The following CFAP65 variants were observed in gnomAD, a reference collection of about 807,000 sequenced individuals.
The protein encoded by CFAP65 is cilia- and flagella-associated protein 65.
CFAP65 carries 155 observed loss-of-function variants against 208.0 expected under a neutral mutation model. The observed-to-expected ratio is 0.75, with a 90% confidence interval of 0.65 to 0.85. The LOEUF (loss-of-function observed/expected upper bound fraction) is 0.85, where lower values mean the gene tolerates loss of function less well. CFAP65 is among the 40% of genes least tolerant of loss of function. The probability of loss-of-function intolerance (pLI) is 0.00; values close to 1 mark genes in which losing one functional copy is unlikely to be tolerated. For synonymous variants in CFAP65, 970 were observed against 986.3 expected (o/e 0.98, Z 0.31); for missense variants, 2,294 against 2,451.3 (o/e 0.94, Z 1.36).
At position 219,006,483 on chromosome 2, in the gene CFAP65, T is replaced by C. The variant is rs1265821021; in HGVS notation, c.4701A>G (p.Glu1567=). 5.6e-6 allele frequency: 9 copies of C among 1,613,632 alleles called. No homozygotes were observed. The highest frequency in any genetic ancestry group is 7.6e-6 in the Non-Finnish European group (9 of 1,179,986). The part of the protein sequence containing the change: ...VKKRTCCTAC[E]PARKYKTLPP... Reference sequence around the variant, plus strand: ...GCCTCACCTTGTACTTCCTCGCAGGTTCACAGGCTGTGCAGCATGTTCTCT... The same window carrying C: ...GCCTCACCTTGTACTTCCTCGCAGGCTCACAGGCTGTGCAGCATGTTCTCT... The change falls in exon 30 of 35, where the codon GAA becomes GAG. Residue 1567 remains glutamate (E), a synonymous_variant. Transcript: ENST00000341552.
At position 219,035,526 on chromosome 2, in the gene CFAP65, G is replaced by C; in HGVS notation, c.496C>G (p.Leu166Val). ...TTCAAGGATCGATTTTTCAGAACCA[G>C]ATTCCTTGTGGTCTCCTTTCCTAGC... is the stretch of plus-strand genomic sequence containing the variant. ...WELGKETTRN[L>V]VLKNRSLKLQ... The change falls in exon 5 of 35, where the codon CTG (leucine) becomes GTG (valine). Residue 166 changes from leucine to valine, a missense_variant. This residue lies in a region of CFAP65 where 867 missense variants were observed against 1,012.6 expected (regional missense o/e 0.86). Transcript: ENST00000341552. 1 of 1,614,078 alleles carries C rather than the reference G, an allele frequency of 6.2e-7. No homozygotes were observed. The highest frequency in any genetic ancestry group is 1.3e-5 in the African/African-American group (1 of 75,000).
At position 219,021,867 on chromosome 2, in the gene CFAP65, C is replaced by T. The variant is rs1368699266; in HGVS notation, c.3043G>A (p.Val1015Ile). Residue 1015 changes from valine to isoleucine, a missense_variant, in exon 18 of 35, where the codon GTC (valine) becomes ATC (isoleucine). This residue lies in a region of CFAP65 where 1,427 missense variants were observed against 1,438.7 expected (regional missense o/e 0.99). Coordinates refer to ENST00000341552, the MANE Select transcript of CFAP65 (RefSeq NM_194302.4). ...LVNSKQSRFLVLLNDGNCTLY... is the reference protein window; with the variant it reads ...LVNSKQSRFLILLNDGNCTLY... ...GTGCAGTTGCCGTCATTCAGGAGGA[C>T]AAGGAACCTGGACTGCTTGCTGTTC... The T allele has an allele frequency of 6.2e-7, 1 of 1,613,850 alleles. No individual in the cohort carries two copies. The highest frequency in any genetic ancestry group is 1.1e-5 in the South Asian group (1 of 91,082).
At chr2:219,040,433 T>C in intron 2 of CFAP65, 86 bp downstream of exon 2, 1 of 784,052 alleles carries the variant, frequency 1.3e-6, no homozygotes, top group Non-Finnish European at 2.2e-6. Context: ...ACTATCTAGA[T>C]TCAGTCGTTC....
At chr2:219,036,251 G>A (rs868706424) in intron 4 of CFAP65, among the ~76,000 whole-genome samples, 6 of 152,148 alleles carry the variant, frequency 3.9e-5, no homozygotes, top group African/African-American at 1.4e-4. Context: ...GGTGATTGAT[G>A]CTAGTGCTGC....
In CFAP65 at chr2:219,003,703, A is replaced by G. The variant is rs1434931477; in HGVS notation, c.5555+249T>C. 1.3e-5 allele frequency among the ~76,000 whole-genome samples: 2 copies of G among 152,204 alleles called. No individual in the cohort carries two copies. Among genetic ancestry groups the G allele is most frequent in the Non-Finnish European group, 2.9e-5 (2 of 68,042 alleles). The stretch of plus-strand genomic sequence containing the variant: ...GAAGCCCATTTACAAGACTTTGCAG[A>G]CTATAACAATTCTCCTGGTAAGTTG... On this transcript the variant is annotated intron_variant, in intron 33 of 34. Coordinates refer to ENST00000341552, the MANE Select transcript of CFAP65 (RefSeq NM_194302.4). This position sits in a 1 kb window ranked among gnomAD's most constrained non-coding sequence, Gnocchi z 4.4.
At chr2:219,020,303 G>T (rs1947190329) in intron 19 of CFAP65, among the ~76,000 whole-genome samples, 1 of 152,182 alleles carries the variant, frequency 6.6e-6, no homozygotes, top group African/African-American at 2.4e-5. Flanking sequence ...ATTCATGCAA[G>T]TGGTGGCAGG....
intron 15 of CFAP65, among the ~76,000 whole-genome samples, chr2:219,023,746 C>A (rs1947427875): frequency 2.0e-5 from 3 of 152,230 alleles, no homozygotes. Context: ...CTGCAGGTGT[C>A]TTTTGCCTCC....
chr2:219,031,462 C>T lies in CFAP65; in HGVS notation c.815+27G>A, dbSNP rs201569949. The T allele has an allele frequency of 1.9e-4, 311 of 1,614,052 alleles. 1 individual carries two copies. The African/African-American group carries it at 3.7e-3, about 19-fold the overall frequency. ...CACCCTCCTCACAGCTCTTGCTCTC[C>T]CCGCCGCACCTCAGCCTCTTCCTCA... On this transcript the variant is annotated intron_variant, in intron 7 of 34. Coordinates refer to ENST00000341552, the MANE Select transcript of CFAP65 (RefSeq NM_194302.4). The surrounding 1 kb of genome is among the most constrained non-coding windows in gnomAD (Gnocchi z 5.2).
Position 219,010,912 on chromosome 2 carries a change from A to C in CFAP65, c.4042T>G (p.Phe1348Val). ...AGGCAGCAAAAGATGGGGTGATCAA[A>C]ATTTTTTTCCTGAACCTGTGACAGG... is the stretch of plus-strand genomic sequence containing the variant. ...DVLSQVQEKNFDHPIFCCLNP... is the reference protein window; with the variant it reads ...DVLSQVQEKNVDHPIFCCLNP... Residue 1348 changes from phenylalanine to valine, a missense_variant, in exon 25 of 35, where the codon TTT becomes GTT. Phe to Val is a conservative substitution (Grantham distance 50). Transcript: ENST00000341552. The C allele has an allele frequency of 6.2e-7, 1 of 1,613,878 alleles. No homozygotes were observed. Among genetic ancestry groups the C allele is most frequent in the Non-Finnish European group, 8.5e-7 (1 of 1,180,002 alleles).
In CFAP65 at chr2:219,028,259, A is replaced by T. The variant is rs1320502333; in HGVS notation, c.1793T>A (p.Met598Lys). The T allele has an allele frequency of 6.2e-7, 1 of 1,613,936 alleles. No individual in the cohort carries two copies. Among genetic ancestry groups the T allele is most frequent in the Non-Finnish European group, 8.5e-7 (1 of 1,179,996 alleles). ...CTGTGCCAGCTTCTTCTCCTTCAGCATGGCATCCAGGATGTCAGGGGGGTA... is the reference window on the plus strand; with the variant it reads ...CTGTGCCAGCTTCTTCTCCTTCAGCTTGGCATCCAGGATGTCAGGGGGGTA... The part of the protein sequence containing the change: ...TLYPPDILDA[M>K]LKEKKLAQDQ... The change falls in exon 12 of 35, where the codon ATG (methionine) becomes AAG (lysine). Residue 598 changes from methionine (M) to lysine (K), a missense_variant. Transcript: ENST00000341552.
Position 219,007,911 on chromosome 2 carries a change from C to T in CFAP65, c.4674+1136G>A, listed in dbSNP as rs573548065. On this transcript the variant is annotated intron_variant, in intron 29 of 34. Transcript: ENST00000341552. ...TCCGCTCACTGCAACCTCCGCCTCC[C>T]GGGTTCAAGCGATTCTCATGCCTCA... Among the ~76,000 whole-genome samples, 6 of 151,920 alleles carry T rather than the reference C, an allele frequency of 3.9e-5. No homozygotes were observed. In the East Asian group the frequency reaches 5.8e-4, roughly 15 times the overall value.
At position 219,014,123 on chromosome 2, in the gene CFAP65, C is replaced by T. The variant is rs568442666; in HGVS notation, c.3603-79G>A. Reference sequence around the variant, plus strand: ...GCAGGGGCTCTGAGACCCTGATGGGCAGGTGGAGGCTTCTTCCATGACTCC... The same window carrying T: ...GCAGGGGCTCTGAGACCCTGATGGGTAGGTGGAGGCTTCTTCCATGACTCC... On this transcript the variant is annotated intron_variant, in intron 21 of 34. Transcript: ENST00000341552. The T allele has an allele frequency of 5.4e-6, 7 of 1,296,904 alleles. No homozygotes were observed. In the African/African-American group the frequency reaches 6.0e-5, roughly 11 times the overall value. 80.3% of individuals were successfully genotyped at this position (1,296,904 alleles called of 1,614,324 possible).
chr2:219,024,030 G>T lies in CFAP65; in HGVS notation c.2580C>A (p.Ser860=). Residue 860 remains serine (S), a synonymous_variant, in exon 15 of 35, where the codon TCC becomes TCA. Coordinates refer to ENST00000341552, the MANE Select transcript of CFAP65 (RefSeq NM_194302.4). ...TGCCTCCTACCTTGAGATACTGGGG[G>T]GAAGCATTGCACTGCAGATAGAAAG... ...QHTFYLQCNA[S]PQYLKEVSMY... 6.2e-7 allele frequency: 1 copy of T among 1,613,668 alleles called. No individual in the cohort carries two copies.
chr2:219,021,775 A>G lies in CFAP65; in HGVS notation c.3130+5T>C, dbSNP rs1947279190. On this transcript the variant is annotated splice_donor_5th_base_variant and intron_variant, in intron 18 of 34. Coordinates refer to ENST00000341552, the MANE Select transcript of CFAP65 (RefSeq NM_194302.4). The stretch of plus-strand genomic sequence containing the variant: ...TGGCCCCAGTCCCAGCTCAGGCCCA[A>G]GTACCGAGGGGGTGGTTGTCAACGG... 6.2e-7 allele frequency: 1 copy of G among 1,613,084 alleles called. No homozygotes were observed. The highest frequency in any genetic ancestry group is 2.2e-5 in the East Asian group (1 of 44,878).
At position 219,027,963 on chromosome 2, in the gene CFAP65, A is replaced by G; in HGVS notation, c.1898T>C (p.Met633Thr). ...PAPQYPYIPP[M>T]TEFFFDGTSD... The stretch of plus-strand genomic sequence containing the variant: ...GGTGCCGTCGAAGAAGAACTCGGTC[A>G]TGGGGGGGATATAAGGGTACTGCGG... The change falls in exon 13 of 35, where the codon ATG becomes ACG. Residue 633 changes from methionine (M) to threonine (T), a missense_variant. Met to Thr is a moderately conservative substitution (Grantham distance 81). Coordinates refer to ENST00000341552, the MANE Select transcript of CFAP65 (RefSeq NM_194302.4). The G allele has an allele frequency of 6.6e-7, 1 of 1,518,762 alleles. No individual in the cohort carries two copies. Among genetic ancestry groups the G allele is most frequent in the Non-Finnish European group, 8.8e-7 (1 of 1,134,152 alleles). 94.1% of individuals were successfully genotyped at this position (1,518,762 alleles called of 1,614,324 possible).
At chr2:219,029,691 C>T (rs1947885184) in intron 10 of CFAP65, 23 bp from the exon 11 acceptor site, 1 of 1,605,746 alleles carries the variant, frequency 6.2e-7, no homozygotes, top group African/African-American at 1.3e-5. Flanking sequence ...GATGGGGTAT[C>T]AGCTTCCCCA....
chr2:219,010,712 G>T lies in CFAP65; in HGVS notation c.4150-8C>A. 2 of 1,601,816 alleles carry T rather than the reference G, an allele frequency of 1.2e-6. No individual in the cohort carries two copies. Among genetic ancestry groups the T allele is most frequent in the South Asian group, 1.1e-5 (1 of 89,476 alleles). On this transcript the variant is annotated splice_region_variant and splice_polypyrimidine_tract_variant and intron_variant, in intron 25 of 34. Transcript: ENST00000341552. The stretch of plus-strand genomic sequence containing the variant: ...GTGTATGGGCACGTCCACCTGGGGA[G>T]TTAGGAGGGTGGGGGTAGGGACTGG...
At position 219,022,171 on chromosome 2, in the gene CFAP65, A is replaced by G; in HGVS notation, c.2979T>C (p.Ser993=). 6.3e-7 allele frequency: 1 copy of G among 1,588,542 alleles called. No individual in the cohort carries two copies. The highest frequency in any genetic ancestry group is 8.6e-7 in the Non-Finnish European group (1 of 1,166,196). The change falls in exon 17 of 35, where the codon TCT becomes TCC. Residue 993 remains serine, a splice_region_variant and synonymous_variant. Transcript: ENST00000341552. ...LVGVGLTSSL[S]AKEKELAFGN... ...CTCCTGCCAGAGCCCTCCCACTCACAGAGAGGCTGCTGGTGAGCCCAACGC... is the reference window on the plus strand; with the variant it reads ...CTCCTGCCAGAGCCCTCCCACTCACGGAGAGGCTGCTGGTGAGCCCAACGC...
chr2:219,014,525 C>G (rs544505950), intron 21 of CFAP65: 1 of 154,712 alleles, frequency 6.5e-6, no homozygotes, highest in Non-Finnish European at 1.4e-5. Context: ...AGGCTGTGCA[C>G]AGAGTTAATG....
Sources: gnomAD v4.1 joint callset for allele counts (sites outside exome capture counted in the v4.1 genomes callset) on GRCh38, gnomAD v4.1.1 for gene constraint, gnomAD v4.1.1 regional missense constraint, Gnocchi (gnomAD v3.1) non-coding constraint, MANE v1.5 for transcripts, NCBI Gene and HGNC (gene_info 2026-07-23, HGNC 2026-07-21) for gene names.